Variants in PDE1C observed in about 807,000 individuals in gnomAD.
PDE1C encodes dual specificity calcium/calmodulin-dependent 3',5'-cyclic nucleotide phosphodiesterase 1C.
PDE1C carries 62 observed loss-of-function variants against 93.1 expected under a neutral mutation model. That is an observed-to-expected ratio of 0.67 (90% confidence interval 0.54 to 0.82). The LOEUF (loss-of-function observed/expected upper bound fraction) is 0.82, where lower values mean the gene tolerates loss of function less well. Among genes scored for constraint, PDE1C ranks in the 40% least tolerant of loss-of-function variants. The pLI is 0.00. For synonymous variants in PDE1C, 325 were observed against 310.1 expected, an observed-to-expected ratio of 1.05 and a Z score of -0.50; for missense variants, 742 against 884.6, an observed-to-expected ratio of 0.84 and a Z score of 2.04.
intron 2 of PDE1C, among the ~76,000 whole-genome samples, chr7:32,034,418 G>C (rs963792694): frequency 6.6e-6 from 1 of 151,960 alleles, no homozygotes; most frequent in Non-Finnish European, 1.5e-5. Flanking sequence ...TTTGTGCCTC[G>C]GACAAAGATG....
chr7:32,414,904 A>T (rs1344641539), intron 1 of PDE1C, among the ~76,000 whole-genome samples: 1 of 152,214 alleles, frequency 6.6e-6, no homozygotes, highest in Non-Finnish European at 1.5e-5. Context: ...TAATATTCTA[A>T]GTTAATGTAT....
intron 1 of PDE1C, among the ~76,000 whole-genome samples, chr7:32,398,457 T>C (rs1255482476): frequency 4.6e-5 from 7 of 151,576 alleles, no homozygotes; most frequent in Non-Finnish European, 1.0e-4. Flanking sequence ...GGCGCAATCT[T>C]GGCTGGCCAC....
intron 2 of PDE1C, among the ~76,000 whole-genome samples, chr7:31,972,786 C>G (rs1811136202): frequency 6.6e-6 from 1 of 152,156 alleles, no homozygotes; most frequent in African/African-American, 2.4e-5. Context: ...GTAGGTGCTT[C>G]TTCCCCTGTA....
chr7:31,801,835 A>G (rs1050860442), intron 16 of PDE1C, among the ~76,000 whole-genome samples: 1 of 151,410 alleles, frequency 6.6e-6, no homozygotes, highest in Non-Finnish European at 1.5e-5. Flanking sequence ...CAGTATACCA[A>G]TTTAAAACCT....
intron 2 of PDE1C, among the ~76,000 whole-genome samples, chr7:32,196,659 G>A (rs1804643324): frequency 6.6e-6 from 1 of 152,168 alleles, no homozygotes; most frequent in African/African-American, 2.4e-5. Flanking sequence ...CTTTTAAGAG[G>A]GAGAATGACA....
chr7:31,708,840 G>A, the PDE1C span, among the ~76,000 whole-genome samples: 19 of 152,216 alleles, frequency 1.2e-4, no homozygotes, highest in African/African-American at 3.6e-4. Flanking sequence ...TAGTGAAGAC[G>A]CATGTTGTAA....
intron 2 of PDE1C, among the ~76,000 whole-genome samples, chr7:32,004,260 A>AT (rs1456093635): frequency 6.6e-6 from 1 of 152,036 alleles, no homozygotes; most frequent in Non-Finnish European, 1.5e-5. Context: ...ACCTGAAAAA[A>AT]AAACCAATAT....
chr7:31,964,150 C>T (rs139466981), intron 2 of PDE1C, among the ~76,000 whole-genome samples: 120 of 152,346 alleles, frequency 7.9e-4, no homozygotes, highest in African/African-American at 2.6e-3. Flanking sequence ...AGCCAAAGCA[C>T]GGCAAAGCAT....
the PDE1C span, among the ~76,000 whole-genome samples, chr7:31,733,502 A>T: frequency 6.6e-6 from 1 of 152,350 alleles, no homozygotes; most frequent in South Asian, 2.1e-4. Flanking sequence ...GCAGAGAATC[A>T]GGTGACTTGC....
chr7:31,739,435 G>T, the PDE1C span, among the ~76,000 whole-genome samples: 1 of 152,162 alleles, frequency 6.6e-6, no homozygotes, highest in East Asian at 1.9e-4. Context: ...GAAGCATCGT[G>T]ATCTTGATGG....
At chr7:31,834,942 T>C (rs10951307) in intron 11 of PDE1C, among the ~76,000 whole-genome samples, 42,678 of 151,918 alleles carry the variant, frequency 0.28, 6,259 homozygotes, top group Middle Eastern at 0.46. Context: ...TGTTGTGGGA[T>C]GAACCTGGTG....
intron 1 of PDE1C, among the ~76,000 whole-genome samples, chr7:32,407,990 TA>T (rs1290330709): frequency 6.6e-6 from 1 of 152,080 alleles, no homozygotes; most frequent in African/African-American, 2.4e-5. Context: ...TTTTTAATTG[TA>T]AAAAGATAAA....
At position 31,902,623 on chromosome 7, in the gene PDE1C, C is replaced by G. The variant is rs972454061; in HGVS notation, c.129-21763G>C. Among the ~76,000 whole-genome samples, 87 of 151,754 alleles carry G rather than the reference C, an allele frequency of 5.7e-4. 1 individual carries two copies. The highest frequency in any genetic ancestry group is 1.5e-4 in the Non-Finnish European group (10 of 67,724). On this transcript the variant is annotated intron_variant, in intron 2 of 17. Transcript: ENST00000396191. Reference sequence around the variant, plus strand: ...CCTGAAATATTCATTTACAGACATTCATCACTGTTCTGGCTATGGCAGCAA... The same window carrying G: ...CCTGAAATATTCATTTACAGACATTGATCACTGTTCTGGCTATGGCAGCAA...
intron 1 of PDE1C, among the ~76,000 whole-genome samples, chr7:32,251,286 C>T (rs1809356797): frequency 1.3e-5 from 2 of 152,180 alleles, no homozygotes; most frequent in African/African-American, 4.8e-5. Context: ...CCGTCATGTC[C>T]TCTCCCACCC....
chr7:32,206,044 C>T (rs1805463944), intron 2 of PDE1C, among the ~76,000 whole-genome samples: 1 of 152,136 alleles, frequency 6.6e-6, no homozygotes, highest in African/African-American at 2.4e-5. Flanking sequence ...GTTCTAGGAT[C>T]AAGGTGTGGA....
At chr7:32,145,198 A>T (rs748452752) in intron 3 of PDE1C, among the ~76,000 whole-genome samples, 51 of 152,196 alleles carry the variant, frequency 3.4e-4, no homozygotes, top group Non-Finnish European at 6.0e-4. Flanking sequence ...CAGAAAGGTC[A>T]TTTGGGAGGC....
chr7:32,084,440 C>T (rs1168964442), intron 3 of PDE1C, among the ~76,000 whole-genome samples: 1 of 147,986 alleles, frequency 6.8e-6, no homozygotes, highest in South Asian at 2.2e-4. Flanking sequence ...TTAGACAGAT[C>T]AACGAGACAG....
chr7:32,285,016 C>T (rs215595), intron 1 of PDE1C, among the ~76,000 whole-genome samples: 146,307 of 148,078 alleles, frequency 0.99, 72,303 homozygotes, highest in Middle Eastern at 1. Context: ...GGCGACAGAG[C>T]GAGACTCTGT....
intron 1 of PDE1C, among the ~76,000 whole-genome samples, chr7:32,416,077 G>A (rs1366894305): frequency 1.3e-5 from 2 of 152,198 alleles, no homozygotes; most frequent in African/African-American, 2.4e-5. Context: ...GCAGCCTTCA[G>A]ATGTGATGTG....
Sources: allele counts gnomAD v4.1 joint callset (sites outside exome capture counted in the v4.1 genomes callset), GRCh38; gene constraint gnomAD v4.1.1; transcripts MANE v1.5; gene names NCBI Gene and HGNC (gene_info 2026-07-23, HGNC 2026-07-21).